UBR7: variants seen among roughly 807,000 people sequenced by gnomAD.
The protein encoded by UBR7 is putative E3 ubiquitin-protein ligase UBR7.
UBR7 carries 22 observed loss-of-function variants against 57.0 expected under a neutral mutation model. The observed-to-expected ratio is 0.39, with a 90% CI of 0.28 to 0.55. The LOEUF (loss-of-function observed/expected upper bound fraction) is 0.55. UBR7 is among the 20% of genes least tolerant of loss of function. The probability of loss-of-function intolerance (pLI) is 0.69; values close to 1 mark genes in which losing one functional copy is unlikely to be tolerated. For synonymous variants in UBR7, 167 were observed against 179.8 expected, an observed-to-expected ratio of 0.93 and a Z score of 0.57; for missense variants, 395 against 513.2, an observed-to-expected ratio of 0.77 and a Z score of 2.23.
chr14:93,225,252 A>G (rs998087131), intron 10 of UBR7, among the ~76,000 whole-genome samples: 2 of 152,128 alleles, frequency 1.3e-5, no homozygotes, highest in Non-Finnish European at 2.9e-5. Context: ...GATAATGTTA[A>G]TAAGTTCTAG....
chr14:93,220,283 C>G lies in UBR7; in HGVS notation c.995C>G (p.Thr332Arg). Reference sequence around the variant, plus strand: ...GGAGATCTAGATGTCTTATTCCTGACAGATGAATACGACACAGTTCTGGCT... The same window carrying G: ...GGAGATCTAGATGTCTTATTCCTGAGAGATGAATACGACACAGTTCTGGCT... ...MYGDLDVLFLTDEYDTVLAYE... is the reference protein window; with the variant it reads ...MYGDLDVLFLRDEYDTVLAYE... Residue 332 changes from threonine to arginine, a missense_variant, in exon 9 of 11, where the codon ACA (threonine) becomes AGA (arginine). Coordinates refer to ENST00000013070, the MANE Select transcript of UBR7 (RefSeq NM_175748.4). 1 of 1,595,724 alleles carries G rather than the reference C, an allele frequency of 6.3e-7. No homozygotes were observed. Among genetic ancestry groups the G allele is most frequent in the East Asian group, 2.3e-5 (1 of 44,098 alleles).
Position 93,228,878 on chromosome 14 carries a change from G to A in UBR7, c.*1843G>A, listed in dbSNP as rs759757183. The A allele has an allele frequency of 3.8e-4, 173 of 454,066 alleles. No individual in the cohort carries two copies. Among genetic ancestry groups the A allele is most frequent in the Non-Finnish European group, 6.6e-4 (150 of 226,772 alleles). 28.1% of individuals were successfully genotyped at this position (454,066 alleles called of 1,614,324 possible). A position where few individuals can be genotyped will look rare whatever the true frequency, so the allele number is the denominator to read the frequency against. On this transcript the variant is annotated 3_prime_UTR_variant, in exon 11 of 11. Transcript: ENST00000013070. Reference sequence around the variant, plus strand: ...TCTTGGAGGTGATGTGTTACATTACGTGCAGCACAATAGTACCGATCAGTT... The same window carrying A: ...TCTTGGAGGTGATGTGTTACATTACATGCAGCACAATAGTACCGATCAGTT...
At chr14:93,207,507 G>C in intron 1 of UBR7, 66 bp downstream of exon 1, 1 of 1,475,230 alleles carries the variant, frequency 6.8e-7, no homozygotes, top group Non-Finnish European at 8.9e-7. Context: ...CGGCCCGGCT[G>C]TCCCTATTCC....
chr14:93,209,875 G>A lies in UBR7; in HGVS notation c.202G>A (p.Gly68Arg), dbSNP rs1894443567. The A allele has an allele frequency of 1.2e-6, 2 of 1,613,862 alleles. No homozygotes were observed. The highest frequency in any genetic ancestry group is 1.1e-5 in the South Asian group (1 of 91,092). ...TGCCTGTAGTACCTGCACCCCAGAG[G>A]GAGAAGAACCAGCAGGAATTTGTTT... ...LYACSTCTPE[G>R]EEPAGICLAC... The change falls in exon 2 of 11, where the codon GGA (glycine) becomes AGA (arginine). Residue 68 changes from glycine (G) to arginine (R), a missense_variant. By Grantham distance (125) the Gly-to-Arg change is moderately radical. Coordinates refer to ENST00000013070, the MANE Select transcript of UBR7 (RefSeq NM_175748.4).
chr14:93,223,651 C>G, intron 10 of UBR7: 1 of 1,389,650 alleles, frequency 7.2e-7, no homozygotes, highest in Non-Finnish European at 1.0e-6. Flanking sequence ...GGCTGACGGG[C>G]AGGACCCGGT....
At chr14:93,213,052 C>G (rs767533830) in intron 4 of UBR7, among the ~76,000 whole-genome samples, 8 of 152,088 alleles carry the variant, frequency 5.3e-5, no homozygotes, top group Non-Finnish European at 8.8e-5. Flanking sequence ...ACACAAGAAT[C>G]ACTTGAACCC....
intron 9 of UBR7, among the ~76,000 whole-genome samples, 173 bp downstream of exon 9, chr14:93,220,584 CAG>C (rs1894684824): frequency 6.6e-6 from 1 of 152,128 alleles, no homozygotes; most frequent in Non-Finnish European, 1.5e-5. Context: ...ACCATTGAAT[CAG>C]AGTTACATGC....
intron 5 of UBR7, 74 bp from the exon 6 acceptor site, chr14:93,215,102 A>C: frequency 6.9e-7 from 1 of 1,439,864 alleles, no homozygotes; most frequent in Non-Finnish European, 9.6e-7. Flanking sequence ...GTATTATTAC[A>C]GTATTTATAA....
In UBR7 at chr14:93,207,398, C is replaced by T; in HGVS notation, c.107C>T (p.Ala36Val). 6.4e-7 allele frequency: 1 copy of T among 1,551,142 alleles called. No homozygotes were observed. The highest frequency in any genetic ancestry group is 8.7e-7 in the Non-Finnish European group (1 of 1,149,530). Residue 36 changes from alanine to valine, a missense_variant, in exon 1 of 11, where the codon GCT (alanine) becomes GTT (valine). Ala to Val is a moderately conservative substitution (Grantham distance 64, BLOSUM62 0). Transcript: ENST00000013070. ...GAGGAGCTGGAGAATGAGGCGTGCGCTGTCCTGGGCGGCAGCGACTCCGAG... is the reference window on the plus strand; with the variant it reads ...GAGGAGCTGGAGAATGAGGCGTGCGTTGTCCTGGGCGGCAGCGACTCCGAG... ...EDEELENEACAVLGGSDSEKC... is the reference protein window; with the variant it reads ...EDEELENEACVVLGGSDSEKC...
At chr14:93,216,401 A>G (rs930127302) in intron 6 of UBR7, among the ~76,000 whole-genome samples, 1 of 152,046 alleles carries the variant, frequency 6.6e-6, no homozygotes, top group East Asian at 1.9e-4. Context: ...TAATTAATGA[A>G]TGGTCCTGAG....
At position 93,224,534 on chromosome 14, in the gene UBR7, C is replaced by T. The variant is rs1339609055; in HGVS notation, c.1185+2160C>T. On this transcript the variant is annotated intron_variant, in intron 10 of 10. Transcript: ENST00000013070. Reference sequence around the variant, plus strand: ...GCTGGACTACAGGCACCCGCCACCACGCCCGGCTAATGTTTTGTATTTTTA... The same window carrying T: ...GCTGGACTACAGGCACCCGCCACCATGCCCGGCTAATGTTTTGTATTTTTA... 1.4e-4 allele frequency among the ~76,000 whole-genome samples: 21 copies of T among 151,914 alleles called. 1 individual carries two copies. The South Asian group carries it at 2.7e-3, about 19-fold the overall frequency.
rs889533878 is a variant in UBR7 at position 93,219,241 on chromosome 14, A to C, written c.840A>C (p.Ala280=). The change falls in exon 8 of 11, where the codon GCA becomes GCC. Residue 280 remains alanine, a synonymous_variant. Coordinates refer to ENST00000013070, the MANE Select transcript of UBR7 (RefSeq NM_175748.4). ...TGTTTAAGAATGAAAGCCTCAACGCAGAATCAAAATCTGGCTGCAAACTTC... is the reference window on the plus strand; with the variant it reads ...TGTTTAAGAATGAAAGCCTCAACGCCGAATCAAAATCTGGCTGCAAACTTC... ...QTVFKNESLN[A]ESKSGCKLQE... 12 of 1,614,236 alleles carry C rather than the reference A, an allele frequency of 7.4e-6. No individual in the cohort carries two copies. The highest frequency in any genetic ancestry group is 7.6e-6 in the Non-Finnish European group (9 of 1,180,050).
At chr14:93,221,145 CTG>C (rs1215301131) in intron 9 of UBR7, among the ~76,000 whole-genome samples, 6 of 150,190 alleles carry the variant, frequency 4.0e-5, no homozygotes, top group Admixed American at 1.3e-4. Flanking sequence ...GAGTCTCACT[CTG>C]TCACCCAGGC....
At chr14:93,211,476 G>A (rs1186841695) in intron 3 of UBR7, among the ~76,000 whole-genome samples, 1 of 152,034 alleles carries the variant, frequency 6.6e-6, no homozygotes, top group East Asian at 1.9e-4. Context: ...GAACCCAGGA[G>A]GCGGAGGTTG....
intron 8 of UBR7, among the ~76,000 whole-genome samples, chr14:93,219,916 A>C (rs1474033288): frequency 6.6e-6 from 1 of 152,184 alleles, no homozygotes; most frequent in Non-Finnish European, 1.5e-5. Flanking sequence ...CGGAGGTTGC[A>C]ATGAGTCGAG....
intron 10 of UBR7, chr14:93,223,938 C>G (rs1008760117): frequency 2.7e-6 from 2 of 731,156 alleles, no homozygotes; most frequent in South Asian, 2.9e-5. Context: ...TTCTCAAACA[C>G]CTGCCCACAG....
intron 1 of UBR7, among the ~76,000 whole-genome samples, chr14:93,208,690 A>T (rs1566819598): frequency 1.3e-5 from 2 of 149,358 alleles, no homozygotes; most frequent in South Asian, 2.1e-4. Context: ...ATAGAACTTT[A>T]AAAAAAAAAG....
intron 6 of UBR7, 116 bp from the exon 7 acceptor site, chr14:93,218,411 T>TA (rs11441325): frequency 0.21 from 160,012 of 768,538 alleles, 2,697 homozygotes; most frequent in South Asian, 0.26. Context: ...ACTCTGTCTG[T>TA]AAAAAAAAAA....
At chr14:93,224,536 C>T (rs986252707) in intron 10 of UBR7, among the ~76,000 whole-genome samples, 2 of 151,934 alleles carry the variant, frequency 1.3e-5, no homozygotes, top group Admixed American at 6.6e-5. Flanking sequence ...CGCCACCACG[C>T]CCGGCTAATG....
Sources: gnomAD v4.1 joint callset for allele counts (sites outside exome capture counted in the v4.1 genomes callset) on GRCh38, gnomAD v4.1.1 for gene constraint, MANE v1.5 for transcripts, NCBI Gene and HGNC (gene_info 2026-07-23, HGNC 2026-07-21) for gene names.